Variants in KCNT2 observed in about 807,000 individuals in gnomAD.
KCNT2 encodes potassium channel subfamily T member 2.
A neutral mutation model predicts 153.8 loss-of-function variants in KCNT2; 67 were observed. The ratio of observed to expected loss-of-function variants is 0.44; its 90% CI spans 0.36 to 0.53. The LOEUF (loss-of-function observed/expected upper bound fraction) is 0.53, where lower values mean the gene tolerates loss of function less well. Among genes scored for constraint, KCNT2 ranks in the 20% least tolerant of loss-of-function variants. The pLI is 0.00. For synonymous variants in KCNT2, 500 were observed against 458.8 expected, an observed-to-expected ratio of 1.09 and a Z score of -1.15; for missense variants, 975 against 1,354.8, an observed-to-expected ratio of 0.72 and a Z score of 4.40.
At chr1:196,283,454 A>T (rs1251535048) in intron 23 of KCNT2, among the ~76,000 whole-genome samples, 1 of 152,052 alleles carries the variant, frequency 6.6e-6, no homozygotes, top group Non-Finnish European at 1.5e-5. Context: ...AACAAACAAA[A>T]AATAAATAAA....
chr1:196,351,836 T>A (rs1477972034), intron 14 of KCNT2, among the ~76,000 whole-genome samples: 1 of 152,144 alleles, frequency 6.6e-6, no homozygotes, highest in East Asian at 1.9e-4. Flanking sequence ...ATATTGGCTG[T>A]GGGTTTGTCA....
intron 8 of KCNT2, among the ~76,000 whole-genome samples, chr1:196,446,279 TC>T (rs1226834845): frequency 6.6e-6 from 1 of 151,540 alleles, no homozygotes; most frequent in African/African-American, 2.4e-5. Context: ...CTATACTTTT[TC>T]ACTCCATGAG....
chr1:196,305,350 A>C lies in KCNT2; in HGVS notation c.2484-5T>G. 6.7e-7 allele frequency: 1 copy of C among 1,482,586 alleles called. No homozygotes were observed. The highest frequency in any genetic ancestry group is 9.4e-7 in the Non-Finnish European group (1 of 1,061,666). The allele number at this position is 1,482,586 out of a possible 1,614,324, so 91.8% of individuals were successfully genotyped here. On this transcript the variant is annotated splice_region_variant and splice_polypyrimidine_tract_variant and intron_variant, in intron 21 of 27. Coordinates refer to ENST00000294725, the MANE Select transcript of KCNT2 (RefSeq NM_198503.5). Reference sequence around the variant, plus strand: ...ATACTGAGACTGGAAAACAACCTACATTTCAAAAGAACATTTGCATTACAC... The same window carrying C: ...ATACTGAGACTGGAAAACAACCTACCTTTCAAAAGAACATTTGCATTACAC...
intron 8 of KCNT2, among the ~76,000 whole-genome samples, chr1:196,446,888 C>T (rs532528136): frequency 6.6e-6 from 1 of 151,650 alleles, no homozygotes; most frequent in African/African-American, 2.4e-5. Context: ...AAAGAACTCA[C>T]TTAATATCAC....
At chr1:196,230,829 T>C (rs751466678) in intron 27 of KCNT2, among the ~76,000 whole-genome samples, 4 of 151,970 alleles carry the variant, frequency 2.6e-5, no homozygotes, top group Non-Finnish European at 5.9e-5. Flanking sequence ...GCTATGAACA[T>C]TGTTGAAATG....
intron 22 of KCNT2, among the ~76,000 whole-genome samples, chr1:196,302,888 C>T (rs958578405): frequency 1.3e-5 from 2 of 151,956 alleles, no homozygotes; most frequent in Admixed American, 6.6e-5. Flanking sequence ...AACATTCAAA[C>T]TATTTATTTT....
At chr1:196,247,095 C>T (rs1454456478) in intron 26 of KCNT2, among the ~76,000 whole-genome samples, 2 of 152,026 alleles carry the variant, frequency 1.3e-5, no homozygotes, top group African/African-American at 4.8e-5. Flanking sequence ...TGGAAAAAGA[C>T]ATTCCATGCC....
At chr1:196,553,418 T>G (rs933497055) in intron 1 of KCNT2, among the ~76,000 whole-genome samples, 1 of 149,956 alleles carries the variant, frequency 6.7e-6, no homozygotes, top group Admixed American at 6.7e-5. Context: ...AGAAAGAAAA[T>G]CAATAAAGAA....
At position 196,416,823 on chromosome 1, in the gene KCNT2, A is replaced by G. The variant is rs1043783328; in HGVS notation, c.1185+6227T>C. ...TTTTTAAATGTACAATTGAGTTATT[A>G]TTGACTATAGTCACTCTGTTGTGCT... is the stretch of plus-strand genomic sequence containing the variant. On this transcript the variant is annotated intron_variant, in intron 12 of 27. Coordinates refer to ENST00000294725, the MANE Select transcript of KCNT2 (RefSeq NM_198503.5). Among the ~76,000 whole-genome samples the G allele has an allele frequency of 2.6e-5, 4 of 152,038 alleles. No homozygotes were observed. The South Asian group carries it at 8.3e-4, about 32-fold the overall frequency.
chr1:196,574,110 G>A (rs1190292663), intron 1 of KCNT2, among the ~76,000 whole-genome samples: 3 of 151,832 alleles, frequency 2.0e-5, no homozygotes, highest in African/African-American at 4.8e-5. Flanking sequence ...TACTTTTTCT[G>A]AGAATCAATT....
chr1:196,608,321 G>C lies in KCNT2; in HGVS notation c.-12C>G. On this transcript the variant is annotated 5_prime_UTR_variant, in exon 1 of 28. Transcript: ENST00000294725. ...TCCAAATCAACCATCCTTCCTCAAA[G>C]AGTGGGAAACATCAAACAACAAATG... 1 of 1,603,612 alleles carries C rather than the reference G, an allele frequency of 6.2e-7. No individual in the cohort carries two copies. Among genetic ancestry groups the C allele is most frequent in the Non-Finnish European group, 8.5e-7 (1 of 1,170,426 alleles).
At chr1:196,359,574 G>A (rs1433215747) in intron 14 of KCNT2, among the ~76,000 whole-genome samples, 1 of 151,826 alleles carries the variant, frequency 6.6e-6, no homozygotes, top group Admixed American at 6.6e-5. Flanking sequence ...ATTATGGAAG[G>A]TTTAAAGATA....
At chr1:196,263,275 G>A (rs944910099) in intron 25 of KCNT2, among the ~76,000 whole-genome samples, 3 of 151,792 alleles carry the variant, frequency 2.0e-5, no homozygotes, top group Non-Finnish European at 4.4e-5. Context: ...TGAAAATGTG[G>A]CAGATATATA....
intron 8 of KCNT2, among the ~76,000 whole-genome samples, chr1:196,458,408 T>A (rs1045036397): frequency 1.3e-5 from 2 of 151,960 alleles, no homozygotes; most frequent in Non-Finnish European, 2.9e-5. Flanking sequence ...TTACAAAACA[T>A]TCTTAAGTGT....
intron 2 of KCNT2, among the ~76,000 whole-genome samples, chr1:196,491,778 T>C (rs929565982): frequency 6.6e-6 from 1 of 152,044 alleles, no homozygotes; most frequent in Non-Finnish European, 1.5e-5. Context: ...TCAAAATCTC[T>C]AGGCTAAGAA....
In KCNT2 at chr1:196,564,547, C is replaced by A. The variant is rs556876488; in HGVS notation, c.95+43668G>T. 1.5e-3 allele frequency among the ~76,000 whole-genome samples: 228 copies of A among 151,832 alleles called. 3 individuals carry two copies. In the South Asian group the frequency reaches 0.035, roughly 23 times the overall value. On this transcript the variant is annotated intron_variant, in intron 1 of 27. Coordinates refer to ENST00000294725, the MANE Select transcript of KCNT2 (RefSeq NM_198503.5). ...AAAGACCACAAAAAGTCAACTCAAT[C>A]TTCAGCAAAAAGAAAAAAAGTCAAA... is the stretch of plus-strand genomic sequence containing the variant.
At chr1:196,468,479 T>C (rs935030610) in intron 6 of KCNT2, among the ~76,000 whole-genome samples, 15 of 152,204 alleles carry the variant, frequency 9.9e-5, no homozygotes, top group African/African-American at 3.6e-4. Flanking sequence ...TATGGGACTG[T>C]AGTTGAATAG....
At chr1:196,359,236 G>A (rs113314247) in intron 14 of KCNT2, among the ~76,000 whole-genome samples, 7,530 of 151,924 alleles carry the variant, frequency 0.05, 284 homozygotes, top group Non-Finnish European at 0.072. Flanking sequence ...TCGGGGACTG[G>A]CATTTTGTCT....
At chr1:196,298,893 C>T (rs902409993) in intron 22 of KCNT2, among the ~76,000 whole-genome samples, 1 of 150,656 alleles carries the variant, frequency 6.6e-6, no homozygotes, top group African/African-American at 2.5e-5. Context: ...AAACCAGGGA[C>T]AAAGACCAAG....
Sources: allele counts gnomAD v4.1 joint callset (sites outside exome capture counted in the v4.1 genomes callset), GRCh38; gene constraint gnomAD v4.1.1; transcripts MANE v1.5; gene names NCBI Gene and HGNC (gene_info 2026-07-23, HGNC 2026-07-21).